The following KCNIP4 variants were observed in gnomAD, a reference collection of about 807,000 sequenced individuals.
The protein encoded by KCNIP4 is Kv channel-interacting protein 4.
Under a neutral mutation model 34.0 loss-of-function variants are expected in KCNIP4, and 12 were observed. The ratio of observed to expected loss-of-function variants is 0.35; its 90% CI spans 0.23 to 0.57. The LOEUF is 0.57. KCNIP4 is among the 20% of genes least tolerant of loss of function. The pLI is 0.83. For synonymous variants in KCNIP4, 124 were observed against 102.2 expected (o/e 1.21, Z -1.29); for missense variants, 238 against 311.7 (o/e 0.76, Z 1.78).
chr4:21,020,203 A>G (rs569274778), intron 1 of KCNIP4, among the ~76,000 whole-genome samples: 4 of 152,322 alleles, frequency 2.6e-5, no homozygotes, highest in East Asian at 1.9e-4. Context: ...TACTGCTTCT[A>G]TGTCCTTGAC....
chr4:20,801,895 G>T (rs527879013), intron 3 of KCNIP4, among the ~76,000 whole-genome samples: 1 of 151,742 alleles, frequency 6.6e-6, no homozygotes, highest in South Asian at 2.1e-4. Context: ...GTGGCTGAAT[G>T]GATAAAGATA....
intron 7 of KCNIP4, 152 bp from the exon 8 acceptor site, chr4:20,732,220 T>A (rs1748465649): frequency 1.6e-6 from 1 of 620,360 alleles, no homozygotes; most frequent in African/African-American, 1.9e-5. Flanking sequence ...AGCAGTTTTT[T>A]AGAGATAAAA....
At chr4:21,935,439 G>A (rs1044600766) in intron 1 of KCNIP4, among the ~76,000 whole-genome samples, 6 of 151,702 alleles carry the variant, frequency 4.0e-5, no homozygotes, top group African/African-American at 1.2e-4. Context: ...CACTTCTCAG[G>A]TCACCACCTA....
At chr4:21,780,130 A>G (rs1719484162) in intron 1 of KCNIP4, among the ~76,000 whole-genome samples, 1 of 152,110 alleles carries the variant, frequency 6.6e-6, no homozygotes, top group Admixed American at 6.5e-5. Context: ...TGAGAGCATA[A>G]AAGTTTTATA....
At chr4:21,840,272 C>T (rs764916613) in intron 1 of KCNIP4, among the ~76,000 whole-genome samples, 1 of 151,758 alleles carries the variant, frequency 6.6e-6, no homozygotes, top group African/African-American at 2.4e-5. Flanking sequence ...GATGGGTCTC[C>T]ATAGAACCTA....
At chr4:21,508,184 C>A (rs956415884) in intron 1 of KCNIP4, among the ~76,000 whole-genome samples, 1 of 152,158 alleles carries the variant, frequency 6.6e-6, no homozygotes, top group African/African-American at 2.4e-5. Context: ...AAGGATGCAA[C>A]TCTCAAAGGT....
intron 3 of KCNIP4, among the ~76,000 whole-genome samples, chr4:20,774,465 G>C (rs1756196231): frequency 6.6e-6 from 1 of 152,166 alleles, no homozygotes; most frequent in South Asian, 2.1e-4. Context: ...ATTAATTAAT[G>C]CAGGACATGT....
chr4:21,480,831 T>C (rs1053105970), intron 1 of KCNIP4, among the ~76,000 whole-genome samples: 1 of 152,198 alleles, frequency 6.6e-6, no homozygotes, highest in Non-Finnish European at 1.5e-5. Context: ...TTCAATATTG[T>C]AGAGATGTGA....
At chr4:21,320,354 T>A (rs1714239376) in intron 1 of KCNIP4, among the ~76,000 whole-genome samples, 1 of 152,174 alleles carries the variant, frequency 6.6e-6, no homozygotes, top group African/African-American at 2.4e-5. Flanking sequence ...AAGCAGGGGC[T>A]AGCATACTCG....
intron 1 of KCNIP4, among the ~76,000 whole-genome samples, chr4:21,069,642 A>C (rs996807471): frequency 2.0e-5 from 3 of 152,200 alleles, no homozygotes; most frequent in African/African-American, 7.2e-5. Context: ...CAAAGAAGCC[A>C]TAAGTATACC....
chr4:21,272,437 C>A (rs899583540), intron 1 of KCNIP4, among the ~76,000 whole-genome samples: 1 of 152,138 alleles, frequency 6.6e-6, no homozygotes, highest in Non-Finnish European at 1.5e-5. Flanking sequence ...GTCATCAGAT[C>A]TTCATGGCAA....
intron 1 of KCNIP4, among the ~76,000 whole-genome samples, chr4:21,158,240 T>C (rs1360755877): frequency 6.6e-6 from 1 of 152,090 alleles, no homozygotes; most frequent in Non-Finnish European, 1.5e-5. Context: ...ACGGGGAGAT[T>C]ATACAAATTC....
In KCNIP4 at chr4:20,949,177, A is replaced by G. The variant is rs990034524; in HGVS notation, c.62-66468T>C. On this transcript the variant is annotated intron_variant, in intron 1 of 8. Transcript: ENST00000382152. ...CTGCTCGCATGAGAGGGAGAGGCTG[A>G]GATTTAGGCCACTTTGAAAAAAATC... Among the ~76,000 whole-genome samples, 7 of 152,350 alleles carry G rather than the reference A, an allele frequency of 4.6e-5. No homozygotes were observed. In the South Asian group the frequency reaches 1.2e-3, roughly 27 times the overall value.
At chr4:21,041,577 A>C (rs1280685040) in intron 1 of KCNIP4, among the ~76,000 whole-genome samples, 1 of 152,208 alleles carries the variant, frequency 6.6e-6, no homozygotes, top group Non-Finnish European at 1.5e-5. Context: ...ACATCTGGGA[A>C]AGACACAAAT....
chr4:20,866,503 T>C (rs941178087), intron 2 of KCNIP4, among the ~76,000 whole-genome samples: 12 of 151,954 alleles, frequency 7.9e-5, no homozygotes, highest in Admixed American at 4.6e-4. Flanking sequence ...CTAAATAACA[T>C]AGCTCAAAAT....
At chr4:21,723,064 A>T (rs1278358422) in intron 1 of KCNIP4, among the ~76,000 whole-genome samples, 1 of 152,138 alleles carries the variant, frequency 6.6e-6, no homozygotes, top group Non-Finnish European at 1.5e-5. Flanking sequence ...TACAGAATAA[A>T]ATTTAACAAT....
At chr4:21,499,281 A>G (rs1040639731) in intron 1 of KCNIP4, among the ~76,000 whole-genome samples, 1 of 151,000 alleles carries the variant, frequency 6.6e-6, no homozygotes, top group Non-Finnish European at 1.5e-5. Flanking sequence ...CAGTGAGCCA[A>G]CATCATGTCA....
At chr4:20,848,487 C>CAAA (rs34837147) in intron 3 of KCNIP4, among the ~76,000 whole-genome samples, 50 of 148,550 alleles carry the variant, frequency 3.4e-4, no homozygotes, top group Non-Finnish European at 5.7e-4. Context: ...ATATGGGCAA[C>CAAA]AAAAAAAAAC....
chr4:21,112,831 T>G (rs1475300143), intron 1 of KCNIP4, among the ~76,000 whole-genome samples: 1 of 152,186 alleles, frequency 6.6e-6, no homozygotes, highest in African/African-American at 2.4e-5. Flanking sequence ...CTCATCTGGC[T>G]TCTAGGATTG....
Sources: allele counts gnomAD v4.1 joint callset (sites outside exome capture counted in the v4.1 genomes callset), GRCh38; gene constraint gnomAD v4.1.1; transcripts MANE v1.5; gene names NCBI Gene and HGNC (gene_info 2026-07-23, HGNC 2026-07-21).